BBX: variants seen among roughly 807,000 people sequenced by gnomAD.
BBX encodes the protein HMG box transcription factor BBX.
BBX carries 30 observed loss-of-function variants against 100.2 expected under a neutral mutation model. The ratio of observed to expected loss-of-function variants is 0.30; its 90% CI spans 0.22 to 0.41. BBX has a LOEUF of 0.41. Among genes scored for constraint, BBX ranks in the 10% least tolerant of loss-of-function variants. The pLI, the probability that BBX is intolerant of heterozygous loss-of-function variation, is 1.00. For missense variants in BBX, 1,023 were observed against 1,129.8 expected (o/e 0.91, Z 1.35); for synonymous variants, 376 against 388.1 (o/e 0.97, Z 0.37).
intron 10 of BBX, among the ~76,000 whole-genome samples, chr3:107,761,418 G>A (rs1467639636): frequency 1.3e-5 from 2 of 152,170 alleles, no homozygotes; most frequent in Non-Finnish European, 2.9e-5. Flanking sequence ...AGCTATGTAT[G>A]GAATGGAGTG....
intron 1 of BBX, among the ~76,000 whole-genome samples, chr3:107,524,761 A>G (rs1477360528): frequency 8.5e-6 from 1 of 117,706 alleles, no homozygotes; most frequent in Non-Finnish European, 1.6e-5. Context: ...AAATTAGTCC[A>G]GGTGGATCTT....
At chr3:107,643,171 TAGTATAAAAA>T (rs1196763700) in intron 2 of BBX, among the ~76,000 whole-genome samples, 1 of 152,100 alleles carries the variant, frequency 6.6e-6, no homozygotes, top group Non-Finnish European at 1.5e-5. Flanking sequence ...TCACCTTTTT[TAGTATAAAAA>T]GCTTTTTAAA....
At chr3:107,659,869 T>C in intron 3 of BBX, 1 of 645,934 alleles carries the variant, frequency 1.5e-6, no homozygotes, top group South Asian at 1.9e-5. Context: ...TATGGCAGGA[T>C]AAATTAAGAG....
At chr3:107,640,739 G>A (rs1214972920) in intron 2 of BBX, among the ~76,000 whole-genome samples, 4 of 152,008 alleles carry the variant, frequency 2.6e-5, no homozygotes, top group Admixed American at 6.6e-5. Flanking sequence ...CTTGGTTACT[G>A]CAACCTCCGT....
At chr3:107,531,446 A>G (rs1162933895) in intron 2 of BBX, among the ~76,000 whole-genome samples, 3 of 152,110 alleles carry the variant, frequency 2.0e-5, no homozygotes, top group African/African-American at 7.2e-5. Context: ...TAATATGGGG[A>G]TTACACAAGA....
At chr3:107,670,873 C>A (rs2058986619) in intron 3 of BBX, among the ~76,000 whole-genome samples, 1 of 152,078 alleles carries the variant, frequency 6.6e-6, no homozygotes, top group African/African-American at 2.4e-5. Flanking sequence ...GCACTCCCTG[C>A]ACAAGACATT....
At chr3:107,743,918 G>GTTTTTTTTTTTT (rs34762783) in intron 7 of BBX, among the ~76,000 whole-genome samples, 4 of 56,622 alleles carry the variant, frequency 7.1e-5, no homozygotes, top group Non-Finnish European at 9.2e-5. Flanking sequence ...TGTTTTAGTG[G>GTTTTTTTTTTTT]TTTTTTTTTT....
intron 5 of BBX, among the ~76,000 whole-genome samples, chr3:107,724,810 G>A (rs1305905899): frequency 1.3e-5 from 2 of 152,140 alleles, no homozygotes; most frequent in Non-Finnish European, 2.9e-5. Flanking sequence ...GGTTACTGTA[G>A]CCTTGTAGTA....
chr3:107,576,081 A>G (rs1409772029), intron 2 of BBX, among the ~76,000 whole-genome samples: 1 of 152,240 alleles, frequency 6.6e-6, no homozygotes, highest in Non-Finnish European at 1.5e-5. Flanking sequence ...ACCAAGGAAT[A>G]TAAAATTAGT....
At chr3:107,580,108 CAT>C (rs1397892506) in intron 2 of BBX, among the ~76,000 whole-genome samples, 2 of 152,144 alleles carry the variant, frequency 1.3e-5, no homozygotes, top group East Asian at 3.9e-4. Flanking sequence ...TTACTTATGG[CAT>C]TATATATGCA....
At chr3:107,597,604 A>G (rs1010751494) in intron 2 of BBX, among the ~76,000 whole-genome samples, 1 of 152,206 alleles carries the variant, frequency 6.6e-6, no homozygotes, top group Non-Finnish European at 1.5e-5. Flanking sequence ...AGTTGAAAGA[A>G]TGAGAGTACT....
chr3:107,644,893 A>G (rs112641504), intron 2 of BBX, among the ~76,000 whole-genome samples: 106 of 152,134 alleles, frequency 7.0e-4, no homozygotes, highest in Non-Finnish European at 3.5e-4. Flanking sequence ...TATTTTTGAT[A>G]TTTAATGTGA....
chr3:107,667,994 A>G (rs1284925209), intron 3 of BBX, among the ~76,000 whole-genome samples: 2 of 152,188 alleles, frequency 1.3e-5, no homozygotes, highest in Non-Finnish European at 1.5e-5. Context: ...TCTTAGCTAT[A>G]AAAATTTACA....
chr3:107,566,478 G>A (rs2050923959), intron 2 of BBX, among the ~76,000 whole-genome samples: 2 of 151,612 alleles, frequency 1.3e-5, no homozygotes. Context: ...ACCTCTCTGT[G>A]CTGTGGAATA....
At chr3:107,715,429 C>G (rs1343096432) in intron 4 of BBX, among the ~76,000 whole-genome samples, 1 of 152,148 alleles carries the variant, frequency 6.6e-6, no homozygotes, top group Non-Finnish European at 1.5e-5. Context: ...ATCCCTAATC[C>G]AAAAATTCGA....
chr3:107,583,994 T>TA lies in BBX; in HGVS notation c.-84+57596_-84+57597insA, dbSNP rs1378391626. On this transcript the variant is annotated intron_variant, in intron 2 of 17. Transcript: ENST00000325805. ...TATATTATTATATTATTATATATTA[T>TA]TATATTATTATATATATTATACATA... is the stretch of plus-strand genomic sequence containing the variant. Among the ~76,000 whole-genome samples, 3 of 56,440 alleles carry TA rather than the reference T, an allele frequency of 5.3e-5. 1 individual carries two copies. The allele number at this position is 56,440 out of a possible 152,430, so 37.0% of individuals were successfully genotyped here. A position where few individuals can be genotyped will look rare whatever the true frequency, so the allele number is the denominator to read the frequency against.
chr3:107,687,741 C>A (rs1030748977), intron 3 of BBX, among the ~76,000 whole-genome samples: 2 of 152,090 alleles, frequency 1.3e-5, no homozygotes, highest in African/African-American at 4.8e-5. Flanking sequence ...GCTCTACAAG[C>A]AACAGAAAAT....
intron 2 of BBX, among the ~76,000 whole-genome samples, chr3:107,530,021 C>T (rs2048051116): frequency 6.6e-6 from 1 of 152,076 alleles, no homozygotes; most frequent in African/African-American, 2.4e-5. Context: ...AAAATGTAAA[C>T]TTAATAAGTT....
At chr3:107,771,442 T>C (rs1364475674) in intron 10 of BBX, among the ~76,000 whole-genome samples, 1 of 152,162 alleles carries the variant, frequency 6.6e-6, no homozygotes, top group Admixed American at 6.6e-5. Flanking sequence ...CTTAACCAAA[T>C]TGGGGCCAGA....
Sources: gnomAD v4.1 joint callset for allele counts (sites outside exome capture counted in the v4.1 genomes callset) on GRCh38, gnomAD v4.1.1 for gene constraint, MANE v1.5 for transcripts, NCBI Gene and HGNC (gene_info 2026-07-23, HGNC 2026-07-21) for gene names.